The following HMCN1 variants were observed in gnomAD, a reference collection of about 807,000 sequenced individuals.
The protein encoded by HMCN1 is hemicentin 1, also known as hemicentin-1.
Under a neutral mutation model 625.9 loss-of-function variants are expected in HMCN1, and 321 were observed. The observed-to-expected ratio is 0.51, with a 90% CI of 0.47 to 0.56. The LOEUF (loss-of-function observed/expected upper bound fraction) is 0.56. Ranked by LOEUF, HMCN1 falls within the 20% of genes least tolerant of loss-of-function variation. The pLI, the probability that HMCN1 is intolerant of heterozygous loss-of-function variation, is 0.00. For missense variants in HMCN1, 6,588 were observed against 6,887.3 expected (o/e 0.96, Z 1.54); for synonymous variants, 2,425 against 2,417.6 (o/e 1.00, Z -0.09).
chr1:186,128,151 CTG>C lies in HMCN1; in HGVS notation c.12767_12768del (p.Val4256AlafsTer8), dbSNP rs1661739866. 2 of 1,613,718 alleles carry C rather than the reference CTG, an allele frequency of 1.2e-6. No homozygotes were observed. The highest frequency in any genetic ancestry group is 1.3e-5 in the African/African-American group (1 of 75,004). On this transcript the variant is annotated frameshift_variant, in exon 83 of 107. Transcript: ENST00000271588. LOFTEE classifies it high-confidence loss of function. ...GAAGATACACACACTGTCAGCCTGA[CTG>C]TGCATGTTCTCCCCACTTTTACTGA...
chr1:186,119,868 A>G lies in HMCN1; in HGVS notation c.12080A>G (p.Asn4027Ser), dbSNP rs144994573. The change falls in exon 79 of 107, where the codon AAT becomes AGT. Residue 4027 changes from asparagine (N) to serine (S), a missense_variant. By Grantham distance (46) the Asn-to-Ser change is conservative (BLOSUM62 1). Transcript: ENST00000271588. The part of the protein sequence containing the change: ...PFITWQKEGI[N>S]VNTSGRNHAV... Reference sequence around the variant, plus strand: ...ATTACTTGGCAAAAAGAAGGCATCAATGTTAACACTTCAGGTACCTACCAC... The same window carrying G: ...ATTACTTGGCAAAAAGAAGGCATCAGTGTTAACACTTCAGGTACCTACCAC... The G allele has an allele frequency of 5.6e-4, 896 of 1,614,100 alleles. 8 individuals carry two copies. The highest frequency in any genetic ancestry group is 5.8e-4 in the East Asian group (26 of 44,868).
chr1:186,183,218 T>G (rs776117643), intron 105 of HMCN1, among the ~76,000 whole-genome samples: 4 of 152,112 alleles, frequency 2.6e-5, no homozygotes, highest in Non-Finnish European at 5.9e-5. Context: ...GCAATCAAAT[T>G]TAGATTGAAT....
chr1:186,021,537 G>T (rs1654723059), intron 35 of HMCN1, among the ~76,000 whole-genome samples: 1 of 151,720 alleles, frequency 6.6e-6, no homozygotes, highest in South Asian at 2.1e-4. Context: ...GACTGACCTA[G>T]TTCGATCTTT....
rs759239909 is a variant in HMCN1, at chr1:186,187,913, A to G, written c.16445A>G (p.His5482Arg). ...DIDECLEQNVHCGPNRMCFNM... is the reference protein window; with the variant it reads ...DIDECLEQNVRCGPNRMCFNM... ...GATGAATGTCTGGAGCAGAATGTGCACTGTGGACCCAATCGCATGTGCTTC... is the reference window on the plus strand; with the variant it reads ...GATGAATGTCTGGAGCAGAATGTGCGCTGTGGACCCAATCGCATGTGCTTC... The change falls in exon 106 of 107, where the codon CAC (histidine) becomes CGC (arginine). Residue 5482 changes from histidine (H) to arginine (R), a missense_variant. By Grantham distance (29) the His-to-Arg change is conservative. Transcript: ENST00000271588. 1 of 1,613,762 alleles carries G rather than the reference A, an allele frequency of 6.2e-7. No individual in the cohort carries two copies. The highest frequency in any genetic ancestry group is 8.5e-7 in the Non-Finnish European group (1 of 1,179,774).
chr1:185,834,382 G>T (rs1018876141), intron 1 of HMCN1, among the ~76,000 whole-genome samples: 1 of 152,124 alleles, frequency 6.6e-6, no homozygotes, highest in African/African-American at 2.4e-5. Context: ...ACTGAAAAAG[G>T]ATCCACTTCC....
In HMCN1 at chr1:185,899,157, A is replaced by G. The variant is rs190020397; in HGVS notation, c.622-10180A>G. On this transcript the variant is annotated intron_variant, in intron 4 of 106. Transcript: ENST00000271588. The stretch of plus-strand genomic sequence containing the variant: ...CATTATCTCCCTCAACTTCTCCTCT[A>G]GTACATGTTCCTTAGTGTCCAGTGA... Among the ~76,000 whole-genome samples the G allele has an allele frequency of 2.5e-3, 382 of 152,290 alleles. 1 individual carries two copies. The highest frequency in any genetic ancestry group is 4.2e-3 in the Non-Finnish European group (283 of 68,010).
intron 77 of HMCN1, 47 bp from the exon 78 acceptor site, chr1:186,119,144 A>T: frequency 7.2e-7 from 1 of 1,388,616 alleles, no homozygotes; most frequent in Non-Finnish European, 1.0e-6. Flanking sequence ...ATTGAACTAA[A>T]AAAACTGAGA....
At chr1:186,165,636 G>T (rs1195630645) in intron 98 of HMCN1, among the ~76,000 whole-genome samples, 1 of 152,164 alleles carries the variant, frequency 6.6e-6, no homozygotes, top group Non-Finnish European at 1.5e-5. Flanking sequence ...GCACAAGAGA[G>T]GTACAGATAA....
chr1:186,169,941 T>C (rs1243418879), intron 100 of HMCN1, among the ~76,000 whole-genome samples: 1 of 151,558 alleles, frequency 6.6e-6, no homozygotes, highest in African/African-American at 2.4e-5. Flanking sequence ...GACAAAGGGC[T>C]AATATCCAGA....
At chr1:185,849,098 G>A (rs1662008709) in intron 2 of HMCN1, among the ~76,000 whole-genome samples, 1 of 151,974 alleles carries the variant, frequency 6.6e-6, no homozygotes, top group Admixed American at 6.6e-5. Flanking sequence ...TGGGTTCTGA[G>A]TGATCTAAGA....
At chr1:185,892,347 C>G (rs1482005967) in intron 4 of HMCN1, among the ~76,000 whole-genome samples, 2 of 152,068 alleles carry the variant, frequency 1.3e-5, no homozygotes, top group Admixed American at 1.3e-4. Flanking sequence ...TGTTCCATTG[C>G]TGGTGAGGAG....
At chr1:185,841,029 G>T (rs965460867) in intron 1 of HMCN1, among the ~76,000 whole-genome samples, 7 of 152,068 alleles carry the variant, frequency 4.6e-5, no homozygotes, top group Non-Finnish European at 7.4e-5. Context: ...GAAGTGAGAG[G>T]CTGGATATTG....
chr1:186,062,369 T>A, intron 47 of HMCN1, 145 bp from the exon 48 acceptor site: 1 of 669,946 alleles, frequency 1.5e-6, no homozygotes, highest in African/African-American at 1.8e-5. Flanking sequence ...AAAATAATAT[T>A]ATGACATTCT....
intron 1 of HMCN1, among the ~76,000 whole-genome samples, chr1:185,778,056 A>G (rs1310833229): frequency 6.6e-6 from 1 of 152,218 alleles, no homozygotes; most frequent in Non-Finnish European, 1.5e-5. Flanking sequence ...TAATTGGGGA[A>G]CTTTCTTACT....
At position 186,120,162 on chromosome 1, in the gene HMCN1, T is replaced by A; in HGVS notation, c.12229+17T>A. 6.2e-7 allele frequency: 1 copy of A among 1,612,452 alleles called. No homozygotes were observed. The highest frequency in any genetic ancestry group is 8.5e-7 in the Non-Finnish European group (1 of 1,179,020). On this transcript the variant is annotated intron_variant, in intron 80 of 106. Transcript: ENST00000271588. Reference sequence around the variant, plus strand: ...ATGTCCAAGGTACCTAAATAATTCATCTCTGTTTTCAATTCAAAGATGTTT... The same window carrying A: ...ATGTCCAAGGTACCTAAATAATTCAACTCTGTTTTCAATTCAAAGATGTTT...
intron 86 of HMCN1, among the ~76,000 whole-genome samples, chr1:186,135,024 G>T (rs138683416): frequency 2.6e-5 from 4 of 152,128 alleles, no homozygotes; most frequent in African/African-American, 7.2e-5. Flanking sequence ...TCTCCATGTT[G>T]TGTCTTTCTC....
chr1:185,995,152 A>G, intron 24 of HMCN1, 65 bp downstream of exon 24: 1 of 1,413,168 alleles, frequency 7.1e-7, no homozygotes, highest in Non-Finnish European at 1.0e-6. Context: ...CCCTAGAGCT[A>G]AATAGATTAT....
chr1:185,821,673 G>T (rs1273878314), intron 1 of HMCN1, among the ~76,000 whole-genome samples: 2 of 151,736 alleles, frequency 1.3e-5, no homozygotes, highest in African/African-American at 4.8e-5. Context: ...TATGGAGCCA[G>T]TCTTGTATCT....
intron 102 of HMCN1, among the ~76,000 whole-genome samples, chr1:186,172,577 A>G (rs1390456171): frequency 6.6e-6 from 1 of 152,164 alleles, no homozygotes; most frequent in African/African-American, 2.4e-5. Context: ...AATTTGCCCA[A>G]AATTTATGCT....
Sources: gnomAD v4.1 joint callset for allele counts (sites outside exome capture counted in the v4.1 genomes callset) on GRCh38, gnomAD v4.1.1 for gene constraint, MANE v1.5 for transcripts, NCBI Gene and HGNC (gene_info 2026-07-23, HGNC 2026-07-21) for gene names.